The following CAMTA1 variants were observed in gnomAD, a reference collection of about 807,000 sequenced individuals.
CAMTA1 encodes calmodulin binding transcription activator 1, also known as calmodulin-binding transcription activator 1.
A neutral mutation model predicts 170.9 loss-of-function variants in CAMTA1; 27 were observed. The observed-to-expected ratio is 0.16, with a 90% CI of 0.12 to 0.22. The LOEUF is 0.22. CAMTA1 is among the 10% of genes least tolerant of loss of function. The pLI is 1.00. For missense variants in CAMTA1, 1,619 were observed against 2,217.2 expected, an observed-to-expected ratio of 0.73 and a Z score of 5.42; for synonymous variants, 833 against 891.5, an observed-to-expected ratio of 0.93 and a Z score of 1.17.
chr1:7,156,582 T>G (rs1333276341), intron 4 of CAMTA1, among the ~76,000 whole-genome samples: 1 of 152,220 alleles, frequency 6.6e-6, no homozygotes, highest in East Asian at 1.9e-4. Flanking sequence ...CCACACGCCC[T>G]GGTGAATACA....
chr1:7,731,908 G>A (rs1354555648), intron 11 of CAMTA1, among the ~76,000 whole-genome samples: 1 of 152,066 alleles, frequency 6.6e-6, no homozygotes, highest in Non-Finnish European at 1.5e-5. Context: ...GGCACTGAAT[G>A]ATGCTATTCC....
rs1269008394 is a variant in CAMTA1, at chr1:7,547,801, A to AG, written c.510+79901dup. 6.6e-6 allele frequency among the ~76,000 whole-genome samples: 1 copy of AG among 151,850 alleles called. No individual in the cohort carries two copies. The highest frequency in any genetic ancestry group is 2.4e-5 in the African/African-American group (1 of 41,356). On this transcript the variant is annotated intron_variant, in intron 6 of 22. Transcript: ENST00000303635. This position sits in a 1 kb window ranked among gnomAD's most constrained non-coding sequence, Gnocchi z 5.7. ...CAACATAATCTCCCTGTACACAACC[A>AG]GTCTCACATCTCTGCCACCCCATGT...
chr1:7,122,635 G>A (rs1644711372), intron 4 of CAMTA1, among the ~76,000 whole-genome samples: 1 of 152,154 alleles, frequency 6.6e-6, no homozygotes, highest in Non-Finnish European at 1.5e-5. Flanking sequence ...CAGCTCTCAG[G>A]AAAGTGTCTG....
chr1:7,669,422 C>A (rs1238701754), intron 9 of CAMTA1, among the ~76,000 whole-genome samples: 1 of 152,258 alleles, frequency 6.6e-6, no homozygotes, highest in Non-Finnish European at 1.5e-5. Flanking sequence ...GGGCAGGCTC[C>A]TTGTAGAGGC....
chr1:6,837,047 G>A lies in CAMTA1; in HGVS notation c.234+11837G>A, dbSNP rs546392769. Among the ~76,000 whole-genome samples the A allele has an allele frequency of 6.6e-5, 10 of 150,902 alleles. No individual in the cohort carries two copies. In the East Asian group the frequency reaches 1.6e-3, roughly 24 times the overall value. On this transcript the variant is annotated intron_variant, in intron 3 of 22. Transcript: ENST00000303635. The stretch of plus-strand genomic sequence containing the variant: ...CCGCTCACTGCAATCTCCGCCACCC[G>A]GGTTCATGCCATTCTCCTGCCTCAG...
intron 6 of CAMTA1, among the ~76,000 whole-genome samples, chr1:7,631,965 C>T (rs2095672364): frequency 6.6e-6 from 1 of 152,196 alleles, no homozygotes; most frequent in African/African-American, 2.4e-5. Context: ...GGATTTTGCT[C>T]AGTCCTGCAG....
intron 5 of CAMTA1, among the ~76,000 whole-genome samples, chr1:7,431,132 CAG>C (rs1412774471): frequency 2.0e-5 from 3 of 152,200 alleles, no homozygotes; most frequent in African/African-American, 7.2e-5. Context: ...TATGAGGACT[CAG>C]GGAGAGCGGC....
rs1474879614 is a variant in CAMTA1 at position 7,463,036 on chromosome 1, T to C, written c.439-4794T>C. On this transcript the variant is annotated intron_variant, in intron 5 of 22. Transcript: ENST00000303635. This position sits in a 1 kb window ranked among gnomAD's most constrained non-coding sequence, Gnocchi z 4.7. Reference sequence around the variant, plus strand: ...GTCTTCGGAGGCAGCACAGGGAGGTTGTCCTGGTGAATGGCACTGTGTGCG... The same window carrying C: ...GTCTTCGGAGGCAGCACAGGGAGGTCGTCCTGGTGAATGGCACTGTGTGCG... Among the ~76,000 whole-genome samples the C allele has an allele frequency of 6.6e-6, 1 of 152,170 alleles. No individual in the cohort carries two copies. The highest frequency in any genetic ancestry group is 1.5e-5 in the Non-Finnish European group (1 of 68,028).
intron 6 of CAMTA1, among the ~76,000 whole-genome samples, chr1:7,639,794 A>T (rs1043694324): frequency 6.6e-6 from 1 of 151,356 alleles, no homozygotes; most frequent in East Asian, 1.9e-4. Context: ...AAAGTGCTTC[A>T]TTGCAGGGCT....
chr1:7,572,114 C>T (rs1235387138), intron 6 of CAMTA1, among the ~76,000 whole-genome samples: 1 of 152,140 alleles, frequency 6.6e-6, no homozygotes, highest in East Asian at 1.9e-4. Context: ...TTTCATATGC[C>T]TATTGGCCGC....
At chr1:7,340,352 A>G (rs1399371793) in intron 5 of CAMTA1, among the ~76,000 whole-genome samples, 2 of 152,064 alleles carry the variant, frequency 1.3e-5, no homozygotes, top group African/African-American at 4.8e-5. Flanking sequence ...CCCCCGACTT[A>G]TGCTTGTGTC....
chr1:7,619,024 A>G (rs1177932247), intron 6 of CAMTA1, among the ~76,000 whole-genome samples: 2 of 152,224 alleles, frequency 1.3e-5, no homozygotes, highest in African/African-American at 4.8e-5. Flanking sequence ...TAAGGAGGCC[A>G]GGGCCAGGGA....
chr1:7,721,506 A>G (rs543194633), intron 11 of CAMTA1, among the ~76,000 whole-genome samples: 1 of 152,280 alleles, frequency 6.6e-6, no homozygotes, highest in African/African-American at 2.4e-5. Flanking sequence ...AGAGTTAAGA[A>G]GTTCACCAGG....
At chr1:7,178,419 C>T (rs906062340) in intron 4 of CAMTA1, among the ~76,000 whole-genome samples, 1 of 152,306 alleles carries the variant, frequency 6.6e-6, no homozygotes, top group African/African-American at 2.4e-5. Flanking sequence ...TTCTACCTGA[C>T]ATCTTCGGCT....
intron 3 of CAMTA1, among the ~76,000 whole-genome samples, chr1:7,070,125 T>C (rs1638428666): frequency 6.6e-6 from 1 of 152,156 alleles, no homozygotes; most frequent in Non-Finnish European, 1.5e-5. Context: ...GCCCGAAGTG[T>C]CCGGAGCCGC....
At chr1:7,627,409 T>A (rs1348165776) in intron 6 of CAMTA1, among the ~76,000 whole-genome samples, 1 of 152,220 alleles carries the variant, frequency 6.6e-6, no homozygotes, top group Non-Finnish European at 1.5e-5. Flanking sequence ...TTAGCAATAG[T>A]GTGAGATGAC....
intron 6 of CAMTA1, among the ~76,000 whole-genome samples, chr1:7,622,670 T>G (rs1437643673): frequency 1.3e-5 from 2 of 152,258 alleles, no homozygotes; most frequent in Non-Finnish European, 2.9e-5. Context: ...GCTGAGGTTT[T>G]TCTTCTGTTA....
chr1:7,671,032 G>C lies in CAMTA1; in HGVS notation c.2774G>C (p.Cys925Ser). The change falls in exon 10 of 23, where the codon TGC becomes TCC. Residue 925 changes from cysteine to serine, a missense_variant. This residue lies in a region of CAMTA1 where 29 missense variants were observed against 70.9 expected (regional missense o/e 0.41). Transcript: ENST00000303635. ...LIQPGVLRCY[C>S]PAHDTGLVTL... ...CAGCCTGGGGTGCTGCGCTGCTACT[G>C]CCCAGGTGAGAAAGCCGCCCCCCAG... is the stretch of plus-strand genomic sequence containing the variant. 2.5e-6 allele frequency: 4 copies of C among 1,613,328 alleles called. No homozygotes were observed. Among genetic ancestry groups the C allele is most frequent in the Non-Finnish European group, 3.4e-6 (4 of 1,179,914 alleles).
Position 7,466,088 on chromosome 1 carries a change from A to G in CAMTA1, c.439-1742A>G, listed in dbSNP as rs953468958. Among the ~76,000 whole-genome samples the G allele has an allele frequency of 3.9e-5, 6 of 152,240 alleles. No individual in the cohort carries two copies. In the East Asian group the frequency reaches 9.6e-4, roughly 24 times the overall value. On this transcript the variant is annotated intron_variant, in intron 5 of 22. Coordinates refer to ENST00000303635, the MANE Select transcript of CAMTA1 (RefSeq NM_015215.4). The stretch of plus-strand genomic sequence containing the variant: ...CTGCCTGTGAGAACATGCAAATTCC[A>G]AAGGAAAGGAGATGGTGAATGTCAC...
Sources: gnomAD v4.1 joint callset for allele counts (sites outside exome capture counted in the v4.1 genomes callset) on GRCh38, gnomAD v4.1.1 for gene constraint, gnomAD v4.1.1 regional missense constraint, Gnocchi (gnomAD v3.1) non-coding constraint, MANE v1.5 for transcripts, NCBI Gene and HGNC (gene_info 2026-07-23, HGNC 2026-07-21) for gene names.